MBD5: variants seen among roughly 807,000 people sequenced by gnomAD.
MBD5 encodes the protein methyl-CpG-binding domain protein 5.
Under a neutral mutation model 117.3 loss-of-function variants are expected in MBD5, and 13 were observed. The observed-to-expected ratio is 0.11, with a 90% CI of 0.07 to 0.18. MBD5 has a LOEUF of 0.18. MBD5 is among the 10% of genes least tolerant of loss of function. The probability of loss-of-function intolerance (pLI) is 1.00; values close to 1 mark genes in which losing one functional copy is unlikely to be tolerated. For synonymous variants in MBD5, 727 were observed against 766.4 expected (o/e 0.95, Z 0.85); for missense variants, 1,879 against 2,093.8 (o/e 0.90, Z 2.00).
chr2:148,118,840 A>C (rs773361681), intron 1 of MBD5, among the ~76,000 whole-genome samples: 2 of 152,152 alleles, frequency 1.3e-5, no homozygotes, highest in African/African-American at 2.4e-5. Context: ...TGGTTTATCC[A>C]TGTTGTAGTA....
chr2:148,309,056 G>T (rs1215065445), intron 3 of MBD5, among the ~76,000 whole-genome samples: 1 of 152,102 alleles, frequency 6.6e-6, no homozygotes, highest in African/African-American at 2.4e-5. Context: ...GGTTGCTGTA[G>T]CCTTGTTGTA....
In MBD5 at chr2:148,230,099, T is replaced by A. The variant is rs1203761267; in HGVS notation, c.-830-3146T>A. ...GCTTTAGGGCTCAACAATCAGCAGG[T>A]GACAAAGCCAGCCAGGCCTGTATCC... On this transcript the variant is annotated intron_variant, in intron 2 of 13. Coordinates refer to ENST00000642680, the MANE Select transcript of MBD5 (RefSeq NM_001378120.1). Among the ~76,000 whole-genome samples, 3 of 152,262 alleles carry A rather than the reference T, an allele frequency of 2.0e-5. No individual in the cohort carries two copies. The East Asian group carries it at 5.8e-4, about 29-fold the overall frequency.
intron 3 of MBD5, among the ~76,000 whole-genome samples, chr2:148,291,282 C>G (rs1701495533): frequency 6.6e-6 from 1 of 152,140 alleles, no homozygotes; most frequent in African/African-American, 2.4e-5. Flanking sequence ...ATCAGTAGAT[C>G]AATTTGGAGA....
intron 4 of MBD5, among the ~76,000 whole-genome samples, chr2:148,425,689 C>T (rs1041079403): frequency 3.3e-5 from 5 of 152,164 alleles, no homozygotes; most frequent in South Asian, 2.1e-4. Context: ...TTATCCACCA[C>T]GATCAGGTCA....
chr2:148,279,111 A>G (rs1463270042), intron 3 of MBD5, among the ~76,000 whole-genome samples: 1 of 152,080 alleles, frequency 6.6e-6, no homozygotes, highest in African/African-American at 2.4e-5. Context: ...CATCACAAAC[A>G]CACTGGGGCA....
intron 11 of MBD5, among the ~76,000 whole-genome samples, chr2:148,492,174 TA>T (rs879463751): frequency 8.1e-4 from 115 of 142,216 alleles, no homozygotes; most frequent in African/African-American, 1.1e-3. Flanking sequence ...AGATGTACTT[TA>T]AAAAAAAAAA....
chr2:148,069,946 C>T (rs1016899582), intron 1 of MBD5, among the ~76,000 whole-genome samples: 1 of 152,126 alleles, frequency 6.6e-6, no homozygotes, highest in African/African-American at 2.4e-5. Flanking sequence ...GTGTGGGGAA[C>T]ATTTCAAGTC....
chr2:148,289,148 A>G (rs1321397682), intron 3 of MBD5, among the ~76,000 whole-genome samples: 2 of 152,210 alleles, frequency 1.3e-5, no homozygotes, highest in African/African-American at 4.8e-5. Context: ...TGGCCAAAAT[A>G]GTTTTTTTAT....
intron 1 of MBD5, among the ~76,000 whole-genome samples, chr2:148,066,770 G>A (rs767906558): frequency 2.6e-5 from 4 of 152,170 alleles, no homozygotes; most frequent in Non-Finnish European, 4.4e-5. Context: ...GAGCCACTGT[G>A]CCCAGCTACC....
rs114295088 is a variant in MBD5, at chr2:148,319,589, C to A, written c.-679-22625C>A. Among the ~76,000 whole-genome samples the A allele has an allele frequency of 6.0e-3, 911 of 152,172 alleles. 9 individuals are homozygous for A. Among genetic ancestry groups the A allele is most frequent in the Non-Finnish European group, 0.01 (702 of 67,998 alleles). The stretch of plus-strand genomic sequence containing the variant: ...TGGCACATAGAAATGCTACTGATAT[C>A]TGTATGGTAATTTTGTATCCTGAAA... On this transcript the variant is annotated intron_variant, in intron 3 of 13. Transcript: ENST00000642680.
At chr2:148,480,637 A>G (rs1360046472) in intron 8 of MBD5, among the ~76,000 whole-genome samples, 3 of 152,154 alleles carry the variant, frequency 2.0e-5, no homozygotes, top group Non-Finnish European at 2.9e-5. Flanking sequence ...GAAATAATCC[A>G]TACTATCTAT....
intron 2 of MBD5, among the ~76,000 whole-genome samples, chr2:148,188,762 G>T (rs1469498105): frequency 3.3e-5 from 5 of 151,920 alleles, no homozygotes; most frequent in Admixed American, 1.3e-4. Context: ...AGCCAAGATG[G>T]CCGAATAGGA....
chr2:148,094,466 A>G (rs10928374), intron 1 of MBD5, among the ~76,000 whole-genome samples: 67,819 of 151,924 alleles, frequency 0.45, 15,271 homozygotes, highest in South Asian at 0.5. Context: ...CAGTCATTCA[A>G]TGTCTGTTTC....
At chr2:148,412,268 C>CTT (rs1191831742) in intron 4 of MBD5, among the ~76,000 whole-genome samples, 17 of 93,080 alleles carry the variant, frequency 1.8e-4, no homozygotes, top group African/African-American at 8.1e-4. Flanking sequence ...TTGTAGTATA[C>CTT]TTTTTGTGTG....
intron 2 of MBD5, among the ~76,000 whole-genome samples, chr2:148,229,043 A>G (rs1174985184): frequency 1.3e-5 from 2 of 151,698 alleles, no homozygotes; most frequent in African/African-American, 2.4e-5. Flanking sequence ...AATTTTGTTG[A>G]TCTTTTCAAA....
intron 4 of MBD5, among the ~76,000 whole-genome samples, chr2:148,414,709 A>T (rs1705367260): frequency 6.6e-6 from 1 of 152,158 alleles, no homozygotes; most frequent in Non-Finnish European, 1.5e-5. Flanking sequence ...GCTTACCACT[A>T]TGTAATGCTC....
intron 1 of MBD5, chr2:148,028,554 T>C (rs1044048258): frequency 6.6e-6 from 1 of 152,008 alleles, no homozygotes; most frequent in Non-Finnish European, 1.5e-5. Flanking sequence ...CTGTTGGCCA[T>C]CAACTAACTT....
chr2:148,102,099 A>G (rs1378864270), intron 1 of MBD5, among the ~76,000 whole-genome samples: 1 of 152,230 alleles, frequency 6.6e-6, no homozygotes, highest in African/African-American at 2.4e-5. Flanking sequence ...TGTTCCTGAT[A>G]TCAAGTTTTC....
chr2:148,288,468 G>A lies in MBD5; in HGVS notation c.-679-53746G>A, dbSNP rs571796305. Among the ~76,000 whole-genome samples, 3 of 150,568 alleles carry A rather than the reference G, an allele frequency of 2.0e-5. No homozygotes were observed. The East Asian group carries it at 5.8e-4, about 29-fold the overall frequency. ...ATTCATTCATAGCATTGACTAAAGTGGGCTGTCAGTGTTGATAGTGACATT... is the reference window on the plus strand; with the variant it reads ...ATTCATTCATAGCATTGACTAAAGTAGGCTGTCAGTGTTGATAGTGACATT... On this transcript the variant is annotated intron_variant, in intron 3 of 13. Transcript: ENST00000642680.
Sources: gnomAD v4.1 joint callset for allele counts (sites outside exome capture counted in the v4.1 genomes callset) on GRCh38, gnomAD v4.1.1 for gene constraint, MANE v1.5 for transcripts, NCBI Gene and HGNC (gene_info 2026-07-23, HGNC 2026-07-21) for gene names.